The following CSGALNACT1 variants were observed in gnomAD, a reference collection of about 807,000 sequenced individuals.
CSGALNACT1 encodes beta4GalNAcT-1.
Under a neutral mutation model 51.0 loss-of-function variants are expected in CSGALNACT1, and 52 were observed. The ratio of observed to expected loss-of-function variants is 1.02; its 90% confidence interval spans 0.82 to 1.29. The LOEUF (loss-of-function observed/expected upper bound fraction) is 1.29, where lower values mean the gene tolerates loss of function less well. CSGALNACT1 is among the 50% of genes most tolerant of loss of function. The probability of loss-of-function intolerance (pLI) is 0.00; values close to 1 mark genes in which losing one functional copy is unlikely to be tolerated. For synonymous variants in CSGALNACT1, 341 were observed against 254.4 expected (o/e 1.34, Z -3.24); for missense variants, 935 against 679.2 (o/e 1.38, Z -4.19).
At chr8:19,629,573 C>T (rs2054929072) in intron 1 of CSGALNACT1, among the ~76,000 whole-genome samples, 2 of 152,194 alleles carry the variant, frequency 1.3e-5, no homozygotes, top group Non-Finnish European at 2.9e-5. Context: ...AGATTATTTC[C>T]ATTATGTTAT....
At chr8:19,750,125 A>G (rs1242753473) in intron 1 of CSGALNACT1, among the ~76,000 whole-genome samples, 4 of 152,132 alleles carry the variant, frequency 2.6e-5, no homozygotes, top group African/African-American at 9.7e-5. Flanking sequence ...TCCAACTTCC[A>G]TGAGACCTGA....
At chr8:19,632,601 T>C (rs1376826591) in intron 1 of CSGALNACT1, among the ~76,000 whole-genome samples, 2 of 152,262 alleles carry the variant, frequency 1.3e-5, no homozygotes, top group Non-Finnish European at 1.5e-5. Flanking sequence ...CAGCGATCAC[T>C]GCAGCCATCC....
chr8:19,715,759 G>A (rs2062770840), intron 1 of CSGALNACT1, among the ~76,000 whole-genome samples: 1 of 152,116 alleles, frequency 6.6e-6, no homozygotes, highest in South Asian at 2.1e-4. Context: ...GGTGTCTAGT[G>A]TAAGGGTTTG....
At chr8:19,498,426 G>A (rs1261337657) in intron 4 of CSGALNACT1, among the ~76,000 whole-genome samples, 6 of 152,208 alleles carry the variant, frequency 3.9e-5, no homozygotes, top group Non-Finnish European at 1.5e-5. Flanking sequence ...GGGAGAGGCT[G>A]AGCAGCACTG....
chr8:19,417,441 G>C (rs902957674), intron 8 of CSGALNACT1, among the ~76,000 whole-genome samples: 1 of 152,162 alleles, frequency 6.6e-6, no homozygotes, highest in African/African-American at 2.4e-5. Flanking sequence ...GAAAGGCACA[G>C]GATGGGGCTG....
At chr8:19,525,750 A>G (rs957247329) in intron 3 of CSGALNACT1, among the ~76,000 whole-genome samples, 1 of 151,402 alleles carries the variant, frequency 6.6e-6, no homozygotes, top group Non-Finnish European at 1.5e-5. Context: ...CTCGGAGCAC[A>G]TTTGAGGTAC....
chr8:19,436,680 G>C (rs2060429532), intron 6 of CSGALNACT1, among the ~76,000 whole-genome samples: 1 of 152,326 alleles, frequency 6.6e-6, no homozygotes, highest in South Asian at 2.1e-4. Context: ...GATGAGGCAA[G>C]AGGATTGCTC....
At chr8:19,527,073 C>T (rs941800408) in intron 3 of CSGALNACT1, among the ~76,000 whole-genome samples, 3 of 152,182 alleles carry the variant, frequency 2.0e-5, no homozygotes, top group South Asian at 2.1e-4. Flanking sequence ...GTAAAGCTCA[C>T]GATATCAAGA....
intron 1 of CSGALNACT1, among the ~76,000 whole-genome samples, chr8:19,729,190 A>G (rs1564479671): frequency 6.6e-6 from 1 of 152,100 alleles, no homozygotes; most frequent in East Asian, 1.9e-4. Flanking sequence ...ATTAATACAT[A>G]CACTCAGAAG....
At chr8:19,734,626 A>AGG (rs1477058528) in intron 1 of CSGALNACT1, among the ~76,000 whole-genome samples, 1 of 152,200 alleles carries the variant, frequency 6.6e-6, no homozygotes, top group Non-Finnish European at 1.5e-5. Flanking sequence ...AAGAAAGAGA[A>AGG]GAATTCTGAA....
chr8:19,656,031 C>G (rs2058243634), intron 1 of CSGALNACT1, among the ~76,000 whole-genome samples: 1 of 152,044 alleles, frequency 6.6e-6, no homozygotes. Flanking sequence ...TTTGATAGGG[C>G]AGAATGGAAG....
chr8:19,718,041 T>G (rs2062912502), intron 1 of CSGALNACT1, among the ~76,000 whole-genome samples: 1 of 152,132 alleles, frequency 6.6e-6, no homozygotes, highest in Non-Finnish European at 1.5e-5. Flanking sequence ...CTCTGCAGAC[T>G]TTCTCCTTGG....
intron 1 of CSGALNACT1, among the ~76,000 whole-genome samples, chr8:19,625,181 A>T (rs931798308): frequency 2.0e-5 from 3 of 152,186 alleles, no homozygotes; most frequent in African/African-American, 7.2e-5. Flanking sequence ...CTTCCCAGTG[A>T]CCAGGAGGGA....
At chr8:19,543,602 G>A (rs1048058290) in intron 3 of CSGALNACT1, among the ~76,000 whole-genome samples, 1 of 152,146 alleles carries the variant, frequency 6.6e-6, no homozygotes, top group African/African-American at 2.4e-5. Context: ...CTCCAGTGGG[G>A]TTCCACAGGC....
intron 2 of CSGALNACT1, among the ~76,000 whole-genome samples, chr8:19,592,523 A>T (rs956204331): frequency 3.3e-5 from 5 of 152,262 alleles, no homozygotes; most frequent in African/African-American, 7.2e-5. Context: ...ACTTCAAGGC[A>T]GGTGGATCAC....
chr8:19,606,368 A>G (rs1326296886), upstream of CSGALNACT1, among the ~76,000 whole-genome samples: 1 of 152,234 alleles, frequency 6.6e-6, no homozygotes, highest in Non-Finnish European at 1.5e-5. Context: ...GTCAGGAACT[A>G]TACAGACAAC....
chr8:19,530,160 G>A (rs2082459110), intron 3 of CSGALNACT1, among the ~76,000 whole-genome samples: 1 of 152,128 alleles, frequency 6.6e-6, no homozygotes, highest in African/African-American at 2.4e-5. Flanking sequence ...GGCAGAGGTT[G>A]CAGTGAGCCA....
intron 1 of CSGALNACT1, 30 bp from the exon 2 acceptor site, chr8:19,601,895 C>T: frequency 8.8e-6 from 4 of 453,792 alleles, no homozygotes; most frequent in Non-Finnish European, 1.3e-5. Context: ...AAAGGCAACC[C>T]TTGTAAATTT....
chr8:19,730,807 C>G (rs2063649702), intron 1 of CSGALNACT1, among the ~76,000 whole-genome samples: 1 of 152,160 alleles, frequency 6.6e-6, no homozygotes, highest in Non-Finnish European at 1.5e-5. Flanking sequence ...TGAAATAGCT[C>G]TCTTGTGTTC....
Sources: allele counts gnomAD v4.1 joint callset (sites outside exome capture counted in the v4.1 genomes callset), GRCh38; gene constraint gnomAD v4.1.1; transcripts MANE v1.5; gene names NCBI Gene and HGNC (gene_info 2026-07-23, HGNC 2026-07-21).